The following DR1 variants were observed in gnomAD, a reference collection of about 807,000 sequenced individuals.
DR1 encodes the protein protein Dr1.
In DR1, 7 loss-of-function variants were observed where a neutral mutation model predicts 19.9. The observed-to-expected ratio is 0.35, with a 90% confidence interval of 0.20 to 0.66. DR1 has a LOEUF of 0.66. Among genes scored for constraint, DR1 ranks in the 30% least tolerant of loss-of-function variants. DR1 has a pLI of 0.66. For missense variants in DR1, 98 were observed against 203.7 expected, an observed-to-expected ratio of 0.48 and a Z score of 3.16; for synonymous variants, 76 against 72.5, an observed-to-expected ratio of 1.05 and a Z score of -0.24.
In DR1 at chr1:93,366,078, A is replaced by G. The variant is rs1282673808; in HGVS notation, c.*5439A>G. The stretch of plus-strand genomic sequence containing the variant: ...ACTGAAATTATGTATTCATTAAACA[A>G]TAACCACCCATTACCTCCTCTCTCC... On this transcript the variant is annotated 3_prime_UTR_variant, in exon 3 of 3. Coordinates refer to ENST00000370272, the MANE Select transcript of DR1 (RefSeq NM_001938.3). The G allele has an allele frequency of 1.3e-5, 2 of 152,240 alleles. No homozygotes were observed. Among genetic ancestry groups the G allele is most frequent in the South Asian group, 2.1e-4 (1 of 4,836 alleles). 9.4% of individuals were successfully genotyped at this position (152,240 alleles called of 1,614,324 possible).
rs1015755117 is a variant in DR1 at position 93,361,154 on chromosome 1, A to G, written c.*515A>G. The G allele has an allele frequency of 6.5e-6, 1 of 152,794 alleles. No homozygotes were observed. The highest frequency in any genetic ancestry group is 2.4e-5 in the African/African-American group (1 of 41,466). The allele number at this position is 152,794 out of a possible 1,614,324, so 9.5% of individuals were successfully genotyped here. ...ATGAGTACATATATAGGCAATAAAT[A>G]TATATGCTCAGATCAATATACTTGT... On this transcript the variant is annotated 3_prime_UTR_variant, in exon 3 of 3. Coordinates refer to ENST00000370272, the MANE Select transcript of DR1 (RefSeq NM_001938.3).
rs140909666 is a variant in DR1 at position 93,354,088 on chromosome 1, A to G, written c.384+17A>G. 231 of 1,606,886 alleles carry G rather than the reference A, an allele frequency of 1.4e-4. 2 individuals carry two copies. In the African/African-American group the frequency reaches 2.4e-3, roughly 17 times the overall value. On this transcript the variant is annotated intron_variant, in intron 2 of 2. Coordinates refer to ENST00000370272, the MANE Select transcript of DR1 (RefSeq NM_001938.3). ...TTTGCAAAAGTAAGTAATTTATTTA[A>G]ATTATTTTCCTCTGAATCCTACCCT...
At chr1:93,347,409 T>C (rs1254271075) in intron 1 of DR1, among the ~76,000 whole-genome samples, 6 of 152,260 alleles carry the variant, frequency 3.9e-5, no homozygotes, top group Non-Finnish European at 7.3e-5. Context: ...TTTTCTGCTC[T>C]AAAAATGGTT....
chr1:93,346,727 A>C lies in DR1; in HGVS notation c.82A>C (p.Asn28His). 1 of 1,614,064 alleles carries C rather than the reference A, an allele frequency of 6.2e-7. No individual in the cohort carries two copies. The highest frequency in any genetic ancestry group is 1.1e-5 in the South Asian group (1 of 91,080). Residue 28 changes from asparagine (N) to histidine (H), a missense_variant, in exon 1 of 3, where the codon AAT becomes CAT. Coordinates refer to ENST00000370272, the MANE Select transcript of DR1 (RefSeq NM_001938.3). Reference protein sequence around the residue: ...INKMIKETLPNVRVANDAREL... With the variant: ...INKMIKETLPHVRVANDAREL... ...TAAAATGATCAAAGAGACTCTTCCTAATGTCCGGGTGGCCAACGATGCTCG... is the reference window on the plus strand; with the variant it reads ...TAAAATGATCAAAGAGACTCTTCCTCATGTCCGGGTGGCCAACGATGCTCG...
intron 2 of DR1, among the ~76,000 whole-genome samples, chr1:93,359,140 A>T (rs923804506): frequency 6.6e-6 from 1 of 152,094 alleles, no homozygotes; most frequent in Non-Finnish European, 1.5e-5. Context: ...ATAACAAATG[A>T]TTTTTTTTAA....
rs985126353 is a variant in DR1 at position 93,362,180 on chromosome 1, T to C, written c.*1541T>C. The C allele has an allele frequency of 1.3e-5, 2 of 152,502 alleles. No homozygotes were observed. The highest frequency in any genetic ancestry group is 4.8e-5 in the African/African-American group (2 of 41,468). 9.4% of individuals were successfully genotyped at this position (152,502 alleles called of 1,614,324 possible). On this transcript the variant is annotated 3_prime_UTR_variant, in exon 3 of 3. Coordinates refer to ENST00000370272, the MANE Select transcript of DR1 (RefSeq NM_001938.3). ...AATATTGTTATACATTTATTAAATA[T>C]ACTTCCCCCATGAAGTGAAAAGGTT...
chr1:93,349,436 T>C (rs1223484577), intron 1 of DR1, among the ~76,000 whole-genome samples: 2 of 152,110 alleles, frequency 1.3e-5, no homozygotes, highest in Non-Finnish European at 2.9e-5. Flanking sequence ...TGTTGCCTTA[T>C]AGAAAGAATT....
intron 1 of DR1, among the ~76,000 whole-genome samples, chr1:93,352,498 A>G (rs1666926030): frequency 6.6e-6 from 1 of 152,232 alleles, no homozygotes; most frequent in Non-Finnish European, 1.5e-5. Flanking sequence ...ATTTCTAAAG[A>G]AGGTTGATGA....
At chr1:93,348,371 T>C (rs1666877629) in intron 1 of DR1, among the ~76,000 whole-genome samples, 1 of 152,130 alleles carries the variant, frequency 6.6e-6, no homozygotes, top group African/African-American at 2.4e-5. Flanking sequence ...TAATTTCTTT[T>C]TACAACTCTT....
chr1:93,348,757 C>G (rs1666882725), intron 1 of DR1, among the ~76,000 whole-genome samples: 1 of 151,922 alleles, frequency 6.6e-6, no homozygotes, highest in Non-Finnish European at 1.5e-5. Flanking sequence ...AAAAATTTAC[C>G]TTTTTTTCTT....
rs1667201882 is a variant in DR1, at chr1:93,368,964, A to C, written c.*8325A>C. 1 of 152,140 alleles carries C rather than the reference A, an allele frequency of 6.6e-6. No individual in the cohort carries two copies. Among genetic ancestry groups the C allele is most frequent in the Admixed American group, 6.5e-5 (1 of 15,270 alleles). 9.4% of individuals were successfully genotyped at this position (152,140 alleles called of 1,614,324 possible). On this transcript the variant is annotated 3_prime_UTR_variant, in exon 3 of 3. Transcript: ENST00000370272. ...TGATGGATTGAAAACATTTGGGGAAAAAACAAAAAATAACCCAACAATGAA... is the reference window on the plus strand; with the variant it reads ...TGATGGATTGAAAACATTTGGGGAACAAACAAAAAATAACCCAACAATGAA...
At chr1:93,350,044 G>A (rs1017261851) in intron 1 of DR1, among the ~76,000 whole-genome samples, 16 of 151,898 alleles carry the variant, frequency 1.1e-4, no homozygotes, top group African/African-American at 3.9e-4. Flanking sequence ...TTTTCCGAAG[G>A]GACACATCTA....
At chr1:93,356,365 A>G (rs893226348) in intron 2 of DR1, among the ~76,000 whole-genome samples, 2 of 152,036 alleles carry the variant, frequency 1.3e-5, no homozygotes, top group African/African-American at 4.8e-5. Flanking sequence ...CTTCAGCCTC[A>G]TGAGTAGCTG....
At chr1:93,347,300 A>G (rs1322334772) in intron 1 of DR1, among the ~76,000 whole-genome samples, 1 of 152,230 alleles carries the variant, frequency 6.6e-6, no homozygotes, top group Non-Finnish European at 1.5e-5. Context: ...ACCAATGTAG[A>G]GGAAAAGATT....
chr1:93,346,794 T>C lies in DR1; in HGVS notation c.149T>C (p.Ile50Thr), dbSNP rs752063632. The part of the protein sequence containing the change: ...VNCCTEFIHL[I>T]SSEANEICNK... ...TGCTGCACTGAATTCATTCACCTTA[T>C]ATCTTCTGAAGCCAATGAGATTTGT... The change falls in exon 1 of 3, where the codon ATA (isoleucine) becomes ACA (threonine). Residue 50 changes from isoleucine to threonine, a missense_variant. Ile to Thr is a moderately conservative substitution (Grantham distance 89). Transcript: ENST00000370272. 1.2e-6 allele frequency: 2 copies of C among 1,614,010 alleles called. No homozygotes were observed. Among genetic ancestry groups the C allele is most frequent in the Non-Finnish European group, 1.7e-6 (2 of 1,180,030 alleles).
At position 93,363,876 on chromosome 1, in the gene DR1, C is replaced by T. The variant is rs1273812367; in HGVS notation, c.*3237C>T. On this transcript the variant is annotated 3_prime_UTR_variant, in exon 3 of 3. Coordinates refer to ENST00000370272, the MANE Select transcript of DR1 (RefSeq NM_001938.3). ...TTTGTTTATCCATTTTTCATTACAT[C>T]CAAAAGTTATTCATTCTCCCATTAA... The T allele has an allele frequency of 1.3e-5, 2 of 152,118 alleles. No homozygotes were observed. The highest frequency in any genetic ancestry group is 3.8e-4 in the East Asian group (2 of 5,198). The allele number at this position is 152,118 out of a possible 1,614,324, so 9.4% of individuals were successfully genotyped here.
rs1189974610 is a variant in DR1 at position 93,348,304 on chromosome 1, T to C, written c.220+1439T>C. Among the ~76,000 whole-genome samples, 6 of 152,120 alleles carry C rather than the reference T, an allele frequency of 3.9e-5. No individual in the cohort carries two copies. In the East Asian group the frequency reaches 1.2e-3, roughly 29 times the overall value. The stretch of plus-strand genomic sequence containing the variant: ...TTTCCCTTGTGTATTTATTTTTACA[T>C]TGTATGTGTGATTGCTGTCATAAGT... On this transcript the variant is annotated intron_variant, in intron 1 of 2. Transcript: ENST00000370272.
In DR1 at chr1:93,365,706, A is replaced by G. The variant is rs1221050766; in HGVS notation, c.*5067A>G. The G allele has an allele frequency of 1.3e-5, 2 of 152,228 alleles. No homozygotes were observed. Among genetic ancestry groups the G allele is most frequent in the African/African-American group, 2.4e-5 (1 of 41,458 alleles). 9.4% of individuals were successfully genotyped at this position (152,228 alleles called of 1,614,324 possible). ...TAGGTGATTTGGAAAGAGGAGGCCC[A>G]GGATTAAAATATGTTTCCAAGAAAG... On this transcript the variant is annotated 3_prime_UTR_variant, in exon 3 of 3. Coordinates refer to ENST00000370272, the MANE Select transcript of DR1 (RefSeq NM_001938.3).
At position 93,363,780 on chromosome 1, in the gene DR1, C is replaced by CA. The variant is rs1389037415; in HGVS notation, c.*3144dup. On this transcript the variant is annotated 3_prime_UTR_variant, in exon 3 of 3. Coordinates refer to ENST00000370272, the MANE Select transcript of DR1 (RefSeq NM_001938.3). ...CTTTGGAGGCCGTTATTCAACCTGC[C>CA]AAAGTGAGATCCATTCTTATTGTTG... 5.3e-5 allele frequency: 8 copies of CA among 152,192 alleles called. No homozygotes were observed. Among genetic ancestry groups the CA allele is most frequent in the Non-Finnish European group, 1.2e-4 (8 of 68,032 alleles). The allele number at this position is 152,192 out of a possible 1,614,324, so 9.4% of individuals were successfully genotyped here.
Sources: gnomAD v4.1 joint callset for allele counts (sites outside exome capture counted in the v4.1 genomes callset) on GRCh38, gnomAD v4.1.1 for gene constraint, MANE v1.5 for transcripts, NCBI Gene and HGNC (gene_info 2026-07-23, HGNC 2026-07-21) for gene names.